ARHGAP6: variants seen among roughly 807,000 people sequenced by gnomAD.
ARHGAP6 encodes rho GTPase-activating protein 6.
ARHGAP6 carries 16 observed loss-of-function variants against 55.7 expected under a neutral mutation model. The observed-to-expected ratio is 0.29, with a 90% CI of 0.19 to 0.44. The LOEUF is 0.44. Among genes scored for constraint, ARHGAP6 ranks in the 20% least tolerant of loss-of-function variants. The pLI, the probability that ARHGAP6 is intolerant of heterozygous loss-of-function variation, is 1.00. For missense variants in ARHGAP6, 698 were observed against 808.9 expected (o/e 0.86, Z 1.66); for synonymous variants, 382 against 360.9 (o/e 1.06, Z -0.66).
intron 1 of ARHGAP6, among the ~76,000 whole-genome samples, chrX:11,526,787 T>C (rs1371953530): frequency 8.9e-6 from 1 of 111,742 alleles, no homozygotes; most frequent in East Asian, 2.8e-4. Context: ...GCTACTTGTG[T>C]TGTGAAAATT....
chrX:11,298,695 C>T, intron 1 of ARHGAP6: 1 of 1,211,313 alleles, frequency 8.3e-7, no homozygotes, highest in Non-Finnish European at 1.1e-6. Context: ...GATCCCCCAG[C>T]AACCAATGAT....
chrX:11,482,184 C>A lies in ARHGAP6; in HGVS notation c.588+182057G>T, dbSNP rs138828083. 2.2e-4 allele frequency among the ~76,000 whole-genome samples: 25 copies of A among 111,965 alleles called. 1 individual carries two copies. In the South Asian group the frequency reaches 9.4e-3, roughly 42 times the overall value. Reference sequence around the variant, plus strand: ...AGATGCTACTAAATATTCTACAGTGCGCAGGATAGTCCCCCACAGTGAGGA... The same window carrying A: ...AGATGCTACTAAATATTCTACAGTGAGCAGGATAGTCCCCCACAGTGAGGA... On this transcript the variant is annotated intron_variant, in intron 1 of 12. Coordinates refer to ENST00000337414, the MANE Select transcript of ARHGAP6 (RefSeq NM_013427.3).
chrX:11,358,485 C>CTTTCTTTCTTTT (rs755054708), intron 1 of ARHGAP6, among the ~76,000 whole-genome samples: 2 of 39,506 alleles, frequency 5.1e-5, no homozygotes, highest in African/African-American at 2.1e-4. Flanking sequence ...TTCTTTCTTT[C>CTTTCTTTCTTTT]TTTTTTTTTT....
intron 4 of ARHGAP6, 95 bp downstream of exon 4, chrX:11,188,629 ACTAC>A: frequency 9.2e-7 from 1 of 1,089,048 alleles, no homozygotes; most frequent in Non-Finnish European, 1.2e-6. Context: ...CTGAACACCA[ACTAC>A]ATATCCAGTT....
At chrX:11,367,379 A>G (rs1349046764) in intron 1 of ARHGAP6, among the ~76,000 whole-genome samples, 2 of 111,468 alleles carry the variant, frequency 1.8e-5, no homozygotes, top group African/African-American at 6.5e-5. Context: ...TGCTATCTGG[A>G]GTGACCCTGA....
intron 1 of ARHGAP6, among the ~76,000 whole-genome samples, chrX:11,594,604 C>A (rs2051879031): frequency 9.1e-6 from 1 of 110,391 alleles, no homozygotes; most frequent in African/African-American, 3.3e-5. Flanking sequence ...CTCGTAGGAC[C>A]ATGGACTCTT....
intron 1 of ARHGAP6, among the ~76,000 whole-genome samples, chrX:11,329,041 T>TA (rs759968934): frequency 1.2e-4 from 13 of 112,003 alleles, no homozygotes; most frequent in Non-Finnish European, 2.3e-4. Context: ...AAAAGGCAAG[T>TA]GTTAGAAAGG....
In ARHGAP6 at chrX:11,433,294, G is replaced by C. The variant is rs1294960621; in HGVS notation, c.589-178587C>G. Among the ~76,000 whole-genome samples the C allele has an allele frequency of 3.6e-5, 4 of 112,307 alleles. No individual in the cohort carries two copies. The Admixed American group carries it at 3.7e-4, about 11-fold the overall frequency. On this transcript the variant is annotated intron_variant, in intron 1 of 12. Coordinates refer to ENST00000337414, the MANE Select transcript of ARHGAP6 (RefSeq NM_013427.3). ...CCGAGAATTCAGGGAAAGAAAACAA[G>C]TGAGGAAGGGTGAGGAAATAAATGA...
chrX:11,610,129 T>TA (rs59200351), intron 1 of ARHGAP6, among the ~76,000 whole-genome samples: 1,072 of 88,765 alleles, frequency 0.012, 6 homozygotes, highest in Middle Eastern at 0.05. Context: ...CTTCCTCCAG[T>TA]AAAAAAAAAA....
intron 1 of ARHGAP6, among the ~76,000 whole-genome samples, chrX:11,600,542 CT>C (rs1472128687): frequency 8.9e-6 from 1 of 112,438 alleles, no homozygotes; most frequent in African/African-American, 3.2e-5. Context: ...GGCTTTTCTT[CT>C]GGCTGAAGGA....
chrX:11,296,795 G>T (rs776551701), intron 1 of ARHGAP6: 19 of 1,207,818 alleles, frequency 1.6e-5, no homozygotes, highest in East Asian at 3.0e-5. Context: ...CCTCATCCTG[G>T]GCACCCTGGT....
intron 1 of ARHGAP6, among the ~76,000 whole-genome samples, chrX:11,557,010 C>T (rs2051325884): frequency 9.0e-6 from 1 of 111,380 alleles, no homozygotes; most frequent in African/African-American, 3.3e-5. Context: ...TTGGACACTG[C>T]TATTGAAGAG....
chrX:11,561,204 C>T (rs1445777286), intron 1 of ARHGAP6, among the ~76,000 whole-genome samples: 5 of 111,802 alleles, frequency 4.5e-5, no homozygotes, highest in African/African-American at 1.6e-4. Context: ...CAGTAGAGGA[C>T]AGGTTAAACA....
At chrX:11,616,450 C>T (rs1168836626) in intron 1 of ARHGAP6, among the ~76,000 whole-genome samples, 1 of 111,327 alleles carries the variant, frequency 9.0e-6, no homozygotes, top group African/African-American at 3.3e-5. Flanking sequence ...CTCAGCCTCC[C>T]AAGTAGCTGG....
At chrX:11,638,519 CT>C (rs2052441194) in intron 1 of ARHGAP6, among the ~76,000 whole-genome samples, 1 of 111,401 alleles carries the variant, frequency 9.0e-6, no homozygotes, top group Non-Finnish European at 1.9e-5. Flanking sequence ...TCTATACCCC[CT>C]ATTAAAATCT....
At chrX:11,348,543 C>T (rs376317861) in intron 1 of ARHGAP6, among the ~76,000 whole-genome samples, 5 of 112,337 alleles carry the variant, frequency 4.5e-5, no homozygotes, top group African/African-American at 1.6e-4. Flanking sequence ...CCAGCTCAAT[C>T]ACTTAGCTCA....
At position 11,156,774 on chromosome X, in the gene ARHGAP6, A is replaced by T. The variant is rs1463294564; in HGVS notation, c.1810-148T>A. Reference sequence around the variant, plus strand: ...TGCTGGTTAAAACCAAACCTACGCCAACCCATGCAGCTGCTTTAATTCTTA... The same window carrying T: ...TGCTGGTTAAAACCAAACCTACGCCTACCCATGCAGCTGCTTTAATTCTTA... On this transcript the variant is annotated intron_variant, in intron 9 of 12. Transcript: ENST00000337414. The T allele has an allele frequency of 6.7e-6, 3 of 450,966 alleles. No homozygotes were observed. In the East Asian group the frequency reaches 1.1e-4, roughly 17 times the overall value. The allele number at this position is 450,966 out of a possible 1,213,427, so 37.2% of individuals were successfully genotyped here.
At chrX:11,652,701 G>C (rs974081984) in intron 1 of ARHGAP6, among the ~76,000 whole-genome samples, 1 of 111,567 alleles carries the variant, frequency 9.0e-6, no homozygotes, top group Non-Finnish European at 1.9e-5. Context: ...GTTTCAGGGA[G>C]ACTGGTTGTG....
intron 1 of ARHGAP6, among the ~76,000 whole-genome samples, chrX:11,603,749 T>C (rs1219918328): frequency 4.5e-5 from 5 of 112,006 alleles, no homozygotes; most frequent in African/African-American, 1.6e-4. Flanking sequence ...AGACCTAGGT[T>C]TACACATAAA....
Sources: gnomAD v4.1 joint callset for allele counts (sites outside exome capture counted in the v4.1 genomes callset) on GRCh38, gnomAD v4.1.1 for gene constraint, MANE v1.5 for transcripts, NCBI Gene and HGNC (gene_info 2026-07-23, HGNC 2026-07-21) for gene names.